The following NRTN variants were observed in gnomAD, a reference collection of about 807,000 sequenced individuals.
NRTN encodes the protein neurturin, also known as prepro-neurturin.
Under a neutral mutation model 7.5 loss-of-function variants are expected in NRTN, and 3 were observed. That is an observed-to-expected ratio of 0.40 (90% CI 0.18 to 1.03). NRTN has a LOEUF of 1.03. Among genes scored for constraint, NRTN ranks in the 50% least tolerant of loss-of-function variants. The pLI, the probability that NRTN is intolerant of heterozygous loss-of-function variation, is 0.34. For missense variants in NRTN, 310 were observed against 307.0 expected, an observed-to-expected ratio of 1.01 and a Z score of -0.07; for synonymous variants, 157 against 146.6, an observed-to-expected ratio of 1.07 and a Z score of -0.51.
chr19:5,810,736 C>G (rs998916068), intron 1 of NRTN, among the ~76,000 whole-genome samples: 4 of 151,842 alleles, frequency 2.6e-5, no homozygotes, highest in Admixed American at 2.0e-4. Context: ...CAAGACCACC[C>G]TGGCCAACAT....
chr19:5,819,439 A>G (rs1340511366), intron 1 of NRTN, among the ~76,000 whole-genome samples: 2 of 152,222 alleles, frequency 1.3e-5, no homozygotes, highest in Non-Finnish European at 1.5e-5. Context: ...AAGCGGGTGG[A>G]TCACCTGAGG....
At chr19:5,818,010 C>G (rs1240820071) in intron 1 of NRTN, among the ~76,000 whole-genome samples, 1 of 151,946 alleles carries the variant, frequency 6.6e-6, no homozygotes, top group Non-Finnish European at 1.5e-5. Context: ...GTCGCTCAGG[C>G]TGGAGTGCAG....
chr19:5,819,843 C>A (rs113183879), intron 1 of NRTN, among the ~76,000 whole-genome samples: 2,347 of 150,912 alleles, frequency 0.016, 28 homozygotes, highest in Middle Eastern at 0.062. Context: ...GAGTGAGATC[C>A]TGTCTCAAGA....
Position 5,809,107 on chromosome 19 carries a change from T to G in NRTN, c.-399+3656T>G, listed in dbSNP as rs552662010. On this transcript the variant is annotated intron_variant, in intron 1 of 2. Coordinates refer to ENST00000303212, the MANE Select transcript of NRTN (RefSeq NM_004558.5). ...GCGTCAGCTCAAATGCTTTCTCCTCTGAGAAGCCCTCCTTGACTCCCCAGT... is the reference window on the plus strand; with the variant it reads ...GCGTCAGCTCAAATGCTTTCTCCTCGGAGAAGCCCTCCTTGACTCCCCAGT... Among the ~76,000 whole-genome samples the G allele has an allele frequency of 2.0e-5, 3 of 151,570 alleles. No individual in the cohort carries two copies. The South Asian group carries it at 6.3e-4, about 32-fold the overall frequency.
intron 2 of NRTN, among the ~76,000 whole-genome samples, chr19:5,825,010 G>C (rs1449292563): frequency 1.3e-5 from 2 of 152,138 alleles, no homozygotes; most frequent in South Asian, 4.2e-4. Flanking sequence ...GGGGCGGTGG[G>C]AGGAGAGAGA....
At position 5,805,211 on chromosome 19, in the gene NRTN, C is replaced by T. The variant is rs1016229219; in HGVS notation, c.-639C>T. ...CCGCGCCCTCTGAGCCGCCGGCCGT[C>T]CAGGGCACCCACCCCCAGCCCCAGC... On this transcript the variant is annotated 5_prime_UTR_variant, in exon 1 of 3. Transcript: ENST00000303212. Among the ~76,000 whole-genome samples, 1 of 146,524 alleles carries T rather than the reference C, an allele frequency of 6.8e-6. No homozygotes were observed. Among genetic ancestry groups the T allele is most frequent in the Non-Finnish European group, 1.5e-5 (1 of 65,900 alleles).
In NRTN at chr19:5,828,174, C is replaced by A. The variant is rs2057056289; in HGVS notation, c.*1C>A. ...GGCGCGCGAGTGCGCCTGCGTGTGA[C>A]CCTACCTCACTCGGCCGGCGCGGCG... is the stretch of plus-strand genomic sequence containing the variant. On this transcript the variant is annotated 3_prime_UTR_variant, in exon 3 of 3. Coordinates refer to ENST00000303212, the MANE Select transcript of NRTN (RefSeq NM_004558.5). 1 of 1,530,602 alleles carries A rather than the reference C, an allele frequency of 6.5e-7. No homozygotes were observed. Among genetic ancestry groups the A allele is most frequent in the African/African-American group, 1.4e-5 (1 of 72,656 alleles). 94.8% of individuals were successfully genotyped at this position (1,530,602 alleles called of 1,614,324 possible).
chr19:5,820,818 C>A (rs990796280), intron 1 of NRTN, among the ~76,000 whole-genome samples: 1 of 151,436 alleles, frequency 6.6e-6, no homozygotes, highest in Non-Finnish European at 1.5e-5. Flanking sequence ...TGCTGCCATC[C>A]GCTTCTGCAA....
chr19:5,820,647 T>C (rs1257530095), intron 1 of NRTN, among the ~76,000 whole-genome samples: 6 of 142,220 alleles, frequency 4.2e-5, no homozygotes, highest in African/African-American at 1.6e-4. Flanking sequence ...GAGAATCGCT[T>C]GAACCCAGGA....
chr19:5,824,826 G>A (rs1050387981), intron 2 of NRTN, among the ~76,000 whole-genome samples: 9 of 152,164 alleles, frequency 5.9e-5, no homozygotes, highest in South Asian at 2.1e-4. Flanking sequence ...AAGATGGGGT[G>A]GAGGGAGGTT....
chr19:5,815,087 C>G (rs1383075070), intron 1 of NRTN, among the ~76,000 whole-genome samples: 1 of 152,366 alleles, frequency 6.6e-6, no homozygotes, highest in Middle Eastern at 3.4e-3. Context: ...TCTCCTCCCA[C>G]CGTGTCTGTG....
chr19:5,824,089 C>T lies in NRTN; in HGVS notation c.-77C>T, dbSNP rs968951245. The stretch of plus-strand genomic sequence containing the variant: ...CAAAGGCCCCACACTGAGTCCTGGC[C>T]CAGCGCCCTGTGCCCGTTGGCTGCT... On this transcript the variant is annotated 5_prime_UTR_variant, in exon 2 of 3. Transcript: ENST00000303212. 1 of 1,576,578 alleles carries T rather than the reference C, an allele frequency of 6.3e-7. No individual in the cohort carries two copies. Among genetic ancestry groups the T allele is most frequent in the Non-Finnish European group, 8.6e-7 (1 of 1,160,750 alleles).
chr19:5,820,209 T>C (rs1599637569), intron 1 of NRTN, among the ~76,000 whole-genome samples: 1 of 127,722 alleles, frequency 7.8e-6, no homozygotes, highest in African/African-American at 3.3e-5. Flanking sequence ...GAGGTTGCAG[T>C]GAGCCAAGAT....
intron 1 of NRTN, among the ~76,000 whole-genome samples, chr19:5,816,139 G>A (rs2057004550): frequency 6.6e-6 from 1 of 151,914 alleles, no homozygotes; most frequent in Non-Finnish European, 1.5e-5. Flanking sequence ...AGGCTCAGGC[G>A]AACTCCCCGC....
chr19:5,819,152 C>T (rs965345992), intron 1 of NRTN, among the ~76,000 whole-genome samples: 2 of 152,226 alleles, frequency 1.3e-5, no homozygotes, highest in Non-Finnish European at 2.9e-5. Context: ...CTACCACCAG[C>T]ATTCAAATGC....
At chr19:5,814,332 A>G (rs1213469652) in intron 1 of NRTN, among the ~76,000 whole-genome samples, 1 of 152,146 alleles carries the variant, frequency 6.6e-6, no homozygotes, top group African/African-American at 2.4e-5. Flanking sequence ...TTTCTGGTGG[A>G]GGGGCTGTAG....
intron 1 of NRTN, among the ~76,000 whole-genome samples, chr19:5,816,395 T>C (rs2057005293): frequency 6.6e-6 from 1 of 152,188 alleles, no homozygotes; most frequent in Non-Finnish European, 1.5e-5. Context: ...TTTTTCATTT[T>C]TGAGACGGAG....
intron 2 of NRTN, among the ~76,000 whole-genome samples, chr19:5,824,673 T>C (rs915848224): frequency 6.6e-6 from 1 of 152,152 alleles, no homozygotes; most frequent in Non-Finnish European, 1.5e-5. Context: ...TTCCAGCTAC[T>C]TGGGAGGCTG....
intron 1 of NRTN, among the ~76,000 whole-genome samples, chr19:5,812,054 G>C (rs1364487019): frequency 2.0e-5 from 3 of 151,344 alleles, no homozygotes; most frequent in African/African-American, 7.3e-5. Context: ...TGTATTTTTA[G>C]TAGAGACAGG....
Sources: allele counts gnomAD v4.1 joint callset (sites outside exome capture counted in the v4.1 genomes callset), GRCh38; gene constraint gnomAD v4.1.1; transcripts MANE v1.5; gene names NCBI Gene and HGNC (gene_info 2026-07-23, HGNC 2026-07-21).